The following ZFR variants were observed in gnomAD, a reference collection of about 807,000 sequenced individuals.
ZFR encodes the protein zinc finger RNA-binding protein.
A neutral mutation model predicts 130.7 loss-of-function variants in ZFR; 19 were observed. That is an observed-to-expected ratio of 0.15 (90% CI 0.10 to 0.21). The LOEUF is 0.21. Ranked by LOEUF, ZFR falls within the 10% of genes least tolerant of loss-of-function variation. ZFR has a pLI of 1.00. For synonymous variants in ZFR, 466 were observed against 456.9 expected (o/e 1.02, Z -0.25); for missense variants, 872 against 1,321.5 (o/e 0.66, Z 5.27).
At chr5:32,376,029 G>A (rs1039200491) in intron 17 of ZFR, among the ~76,000 whole-genome samples, 1 of 151,314 alleles carries the variant, frequency 6.6e-6, no homozygotes, top group African/African-American at 2.4e-5. Flanking sequence ...TTTTAGTAGA[G>A]ATGGGGTTTC....
chr5:32,387,088 T>C (rs1753060053), intron 14 of ZFR, among the ~76,000 whole-genome samples: 1 of 152,096 alleles, frequency 6.6e-6, no homozygotes, highest in Admixed American at 6.6e-5. Context: ...ACTGAAAATA[T>C]TCACAATAAA....
chr5:32,359,286 C>T (rs1752378922), intron 19 of ZFR, among the ~76,000 whole-genome samples: 1 of 150,982 alleles, frequency 6.6e-6, no homozygotes, highest in Non-Finnish European at 1.5e-5. Context: ...TTTCTTAAAA[C>T]ATTATGAGAT....
rs1319572180 is a variant in ZFR, at chr5:32,444,050, CCGGGCAAGGCGGGGCGGGGCGGGG to C, written c.137+155_137+178del. Among the ~76,000 whole-genome samples the C allele has an allele frequency of 1.1e-4, 15 of 138,578 alleles. No individual in the cohort carries two copies. In the East Asian group the frequency reaches 3.2e-3, roughly 29 times the overall value. 90.9% of individuals were successfully genotyped at this position (138,578 alleles called of 152,430 possible). ...GCTCCCCGCCGCGGGCCGGGCCGGG[CCGGGCAAGGCGGGGCGGGGCGGGG>C]CGGGGCGGGAGAGGCCGCCGGGCTG... On this transcript the variant is annotated intron_variant, in intron 2 of 19. Transcript: ENST00000265069.
At chr5:32,443,391 T>A (rs1001663737) in intron 2 of ZFR, among the ~76,000 whole-genome samples, 1 of 152,246 alleles carries the variant, frequency 6.6e-6, no homozygotes, top group Non-Finnish European at 1.5e-5. Context: ...ACAATCTCAC[T>A]TGCATCTTCT....
chr5:32,359,688 C>T (rs557947926), intron 19 of ZFR, among the ~76,000 whole-genome samples: 15 of 152,276 alleles, frequency 9.9e-5, no homozygotes, highest in Admixed American at 9.8e-4. Flanking sequence ...CGGTGGCTCA[C>T]GCCTGTAATC....
intron 15 of ZFR, among the ~76,000 whole-genome samples, chr5:32,382,332 C>A (rs1243124674): frequency 6.6e-6 from 1 of 151,982 alleles, no homozygotes; most frequent in Non-Finnish European, 1.5e-5. Context: ...CAAAACCAAA[C>A]CCCTCACACA....
At chr5:32,391,678 C>G (rs1405647988) in intron 11 of ZFR, among the ~76,000 whole-genome samples, 1 of 152,092 alleles carries the variant, frequency 6.6e-6, no homozygotes, top group Non-Finnish European at 1.5e-5. Flanking sequence ...TTACTAATGT[C>G]ATCTGTTAAC....
In ZFR at chr5:32,357,906, T is replaced by A. The variant is rs144038702; in HGVS notation, c.3046-1967A>T. On this transcript the variant is annotated intron_variant, in intron 19 of 19. Coordinates refer to ENST00000265069, the MANE Select transcript of ZFR (RefSeq NM_016107.5). The stretch of plus-strand genomic sequence containing the variant: ...TCTGTCATACATTAATTCCCTTATA[T>A]CTAATGGTCTACTTCAAGGTTCTTC... Among the ~76,000 whole-genome samples the A allele has an allele frequency of 2.0e-5, 3 of 152,334 alleles. 1 individual carries two copies. Among genetic ancestry groups the A allele is most frequent in the South Asian group, 4.1e-4 (2 of 4,826 alleles).
rs1038852268 is a variant in ZFR at position 32,361,563 on chromosome 5, A to G, written c.3045+2385T>C. Among the ~76,000 whole-genome samples, 3 of 152,152 alleles carry G rather than the reference A, an allele frequency of 2.0e-5. No individual in the cohort carries two copies. The South Asian group carries it at 6.2e-4, about 32-fold the overall frequency. The stretch of plus-strand genomic sequence containing the variant: ...ATCAAAAGATATCTCATATATAATA[A>G]TGAATATTTATACATTTTTACCACA... On this transcript the variant is annotated intron_variant, in intron 19 of 19. Transcript: ENST00000265069.
At chr5:32,439,648 A>C (rs1344364953) in intron 2 of ZFR, among the ~76,000 whole-genome samples, 9 of 152,006 alleles carry the variant, frequency 5.9e-5, no homozygotes, top group African/African-American at 2.2e-4. Flanking sequence ...GCTGTTTACA[A>C]CTCTCAATGA....
intron 14 of ZFR, among the ~76,000 whole-genome samples, chr5:32,386,616 A>G (rs1457692646): frequency 6.6e-6 from 1 of 152,066 alleles, no homozygotes; most frequent in Non-Finnish European, 1.5e-5. Flanking sequence ...CACACAACAC[A>G]GCCAATTCTC....
At chr5:32,411,525 C>T (rs1753708254) in intron 5 of ZFR, among the ~76,000 whole-genome samples, 2 of 151,688 alleles carry the variant, frequency 1.3e-5, no homozygotes, top group South Asian at 4.2e-4. Flanking sequence ...CCCGTCTCTA[C>T]TAAAAATACA....
chr5:32,364,523 G>C (rs2111662162), intron 17 of ZFR: 1 of 201,736 alleles, frequency 5.0e-6, no homozygotes, highest in African/African-American at 2.3e-5. Flanking sequence ...AGGGGTTAAA[G>C]ACCAGCCTGG....
intron 11 of ZFR, among the ~76,000 whole-genome samples, chr5:32,394,062 T>C (rs1164326484): frequency 1.3e-5 from 2 of 152,230 alleles, no homozygotes; most frequent in African/African-American, 2.4e-5. Flanking sequence ...AATTTAGTTT[T>C]TAAAGTTGAA....
At chr5:32,444,526 C>G in intron 1 of ZFR, 96 bp downstream of exon 1, 1 of 1,379,126 alleles carries the variant, frequency 7.3e-7, no homozygotes, top group Non-Finnish European at 9.4e-7. Context: ...CGGCCGCCGC[C>G]TCCTCCCCGG....
At chr5:32,373,019 C>T (rs1472633861) in intron 17 of ZFR, among the ~76,000 whole-genome samples, 1 of 152,164 alleles carries the variant, frequency 6.6e-6, no homozygotes, top group Non-Finnish European at 1.5e-5. Flanking sequence ...TAGCAGACTA[C>T]ATTTTTCGAA....
intron 17 of ZFR, among the ~76,000 whole-genome samples, chr5:32,367,361 G>A (rs911425680): frequency 5.9e-5 from 9 of 152,030 alleles, no homozygotes; most frequent in Non-Finnish European, 1.3e-4. Flanking sequence ...CTTGAACCTG[G>A]GAGGCGGAGG....
intron 2 of ZFR, among the ~76,000 whole-genome samples, chr5:32,438,798 T>C (rs1372288139): frequency 2.0e-5 from 3 of 152,168 alleles, no homozygotes; most frequent in African/African-American, 7.2e-5. Flanking sequence ...TATTATTACT[T>C]AAATCTCTAC....
At chr5:32,368,604 T>C (rs2111675019) in intron 17 of ZFR, among the ~76,000 whole-genome samples, 1 of 152,308 alleles carries the variant, frequency 6.6e-6, no homozygotes, top group Non-Finnish European at 1.5e-5. Context: ...ATAGGGCTAT[T>C]ACTACATAAG....
Sources: gnomAD v4.1 joint callset for allele counts (sites outside exome capture counted in the v4.1 genomes callset) on GRCh38, gnomAD v4.1.1 for gene constraint, MANE v1.5 for transcripts, NCBI Gene and HGNC (gene_info 2026-07-23, HGNC 2026-07-21) for gene names.